Variants in SPTAN1 observed in about 807,000 individuals in gnomAD.
The protein encoded by SPTAN1 is spectrin alpha, non-erythrocytic 1, also known as spectrin alpha chain, non-erythrocytic 1.
A neutral mutation model predicts 331.3 loss-of-function variants in SPTAN1; 61 were observed. That is an observed-to-expected ratio of 0.18 (90% CI 0.15 to 0.23). The LOEUF (loss-of-function observed/expected upper bound fraction) is 0.23. Among genes scored for constraint, SPTAN1 ranks in the 10% least tolerant of loss-of-function variants. SPTAN1 has a pLI of 1.00. For missense variants in SPTAN1, 2,043 were observed against 3,147.9 expected, an observed-to-expected ratio of 0.65 and a Z score of 8.40; for synonymous variants, 1,153 against 1,173.9, an observed-to-expected ratio of 0.98 and a Z score of 0.36.
chr9:128,559,513 CTT>C (rs1290781426), intron 1 of SPTAN1, among the ~76,000 whole-genome samples: 1 of 152,214 alleles, frequency 6.6e-6, no homozygotes, highest in Non-Finnish European at 1.5e-5. Flanking sequence ...ACTGCCATCT[CTT>C]TCAGGAGCTC....
chr9:128,553,290 G>C (rs1038394193), intron 1 of SPTAN1: 2 of 152,258 alleles, frequency 1.3e-5, no homozygotes, highest in African/African-American at 4.8e-5. Flanking sequence ...GTCTGAGACT[G>C]GCCGTCTCCT....
intron 2 of SPTAN1, 56 bp from the exon 3 acceptor site, chr9:128,568,716 C>T: frequency 6.2e-7 from 1 of 1,610,812 alleles, no homozygotes; most frequent in Non-Finnish European, 8.5e-7. Flanking sequence ...ACAGCGGGGA[C>T]AAAATGCTGA....
At chr9:128,618,726 G>T in intron 43 of SPTAN1, 145 bp from the exon 44 acceptor site, 1 of 1,148,200 alleles carries the variant, frequency 8.7e-7, no homozygotes, top group South Asian at 1.2e-5. Context: ...CTCGTGATCT[G>T]CCCGCCTCGG....
intron 17 of SPTAN1, 47 bp from the exon 18 acceptor site, chr9:128,584,673 AC>A: frequency 6.2e-7 from 1 of 1,614,140 alleles, no homozygotes. Context: ...ATCAGTGCTG[AC>A]TTTTCTCTTC....
intron 27 of SPTAN1, among the ~76,000 whole-genome samples, chr9:128,601,167 G>GAGAT (rs1855101143): frequency 6.6e-6 from 1 of 151,126 alleles, no homozygotes; most frequent in Admixed American, 6.6e-5. Context: ...ATGTTCAGAA[G>GAGAT]AGATAGGGTT....
rs1051768726 is a variant in SPTAN1, at chr9:128,629,051, G to T, written c.6707+1109G>T. On this transcript the variant is annotated intron_variant, in intron 51 of 56. Coordinates refer to ENST00000372739, the MANE Select transcript of SPTAN1 (RefSeq NM_001130438.3). The surrounding 1 kb of genome is among the most constrained non-coding windows in gnomAD (Gnocchi z 4.9). ...CCTGCGCCCTGCCAGCTTGGGCTTT[G>T]TGTGTGTCTGTTGCAGTGTGCTCTT... 1 of 398,428 alleles carries T rather than the reference G, an allele frequency of 2.5e-6. No homozygotes were observed. Among genetic ancestry groups the T allele is most frequent in the East Asian group, 3.6e-5 (1 of 28,074 alleles). The allele number at this position is 398,428 out of a possible 1,614,324, so 24.7% of individuals were successfully genotyped here. A position where few individuals can be genotyped will look rare whatever the true frequency, so the allele number is the denominator to read the frequency against.
Position 128,617,648 on chromosome 9 carries a change from A to T in SPTAN1, c.5366A>T (p.Lys1789Met), listed in dbSNP as rs935489248. 6.2e-7 allele frequency: 1 copy of T among 1,614,182 alleles called. No homozygotes were observed. Among genetic ancestry groups the T allele is most frequent in the Admixed American group, 1.7e-5 (1 of 60,016 alleles). The part of the protein sequence containing the change: ...DDEESWIKEK[K>M]LLVGSEDYGR... Reference sequence around the variant, plus strand: ...TCCCATCTCTCATTCAGGGAGAAGAAGCTGCTGGTGGGCTCAGAGGACTAC... The same window carrying T: ...TCCCATCTCTCATTCAGGGAGAAGATGCTGCTGGTGGGCTCAGAGGACTAC... Residue 1789 changes from lysine (K) to methionine (M), a missense_variant, in exon 42 of 57, where the codon AAG becomes ATG. Lys to Met is a moderately conservative substitution (Grantham distance 95). Coordinates refer to ENST00000372739, the MANE Select transcript of SPTAN1 (RefSeq NM_001130438.3).
chr9:128,579,591 G>A, intron 9 of SPTAN1, 46 bp from the exon 10 acceptor site: 1 of 1,486,744 alleles, frequency 6.7e-7, no homozygotes, highest in Non-Finnish European at 9.4e-7. Context: ...TTTTTATTTT[G>A]TAAGATGCTG....
intron 2 of SPTAN1, among the ~76,000 whole-genome samples, chr9:128,567,659 A>G (rs896731162): frequency 6.6e-6 from 1 of 152,240 alleles, no homozygotes; most frequent in African/African-American, 2.4e-5. Flanking sequence ...CTGGAGTCAG[A>G]TATCAAAGAA....
At chr9:128,573,014 A>G (rs1850907134) in intron 3 of SPTAN1, among the ~76,000 whole-genome samples, 1 of 152,152 alleles carries the variant, frequency 6.6e-6, no homozygotes, top group African/African-American at 2.4e-5. Context: ...ACCCATGTTG[A>G]CTGTCACATG....
intron 27 of SPTAN1, among the ~76,000 whole-genome samples, chr9:128,600,661 T>G (rs1226316128): frequency 6.6e-6 from 1 of 152,158 alleles, no homozygotes; most frequent in Non-Finnish European, 1.5e-5. Context: ...AAGGTGTGTT[T>G]TTTTGTTTTG....
At chr9:128,619,056 T>C in intron 44 of SPTAN1, 53 bp downstream of exon 44, 9 of 1,611,598 alleles carry the variant, frequency 5.6e-6, no homozygotes, top group Middle Eastern at 2.1e-4. Flanking sequence ...AACTGCCTGC[T>C]GGTCATCATT....
chr9:128,591,860 A>T (rs1853582643), intron 22 of SPTAN1, among the ~76,000 whole-genome samples: 1 of 151,942 alleles, frequency 6.6e-6, no homozygotes, highest in Non-Finnish European at 1.5e-5. Context: ...CCTAACCAGA[A>T]TTTTTCTAAT....
intron 18 of SPTAN1, 122 bp from the exon 19 acceptor site, chr9:128,585,626 G>A (rs563940869): frequency 2.4e-6 from 2 of 834,698 alleles, no homozygotes; most frequent in African/African-American, 3.3e-5. Flanking sequence ...AATTATGAAA[G>A]GGCACAGCTC....
chr9:128,606,880 G>C (rs1260033797), intron 31 of SPTAN1, among the ~76,000 whole-genome samples: 1 of 152,152 alleles, frequency 6.6e-6, no homozygotes, highest in Admixed American at 6.5e-5. Context: ...TATTCACGGT[G>C]TTGTGCAGCC....
intron 22 of SPTAN1, among the ~76,000 whole-genome samples, chr9:128,592,189 C>T (rs1853626897): frequency 6.6e-6 from 1 of 152,062 alleles, no homozygotes; most frequent in Admixed American, 6.6e-5. Context: ...TTTTGGGCTC[C>T]AGTGATCCTC....
chr9:128,632,369 G>A (rs755810489), intron 53 of SPTAN1, 46 bp downstream of exon 53: 2 of 1,613,616 alleles, frequency 1.2e-6, no homozygotes, highest in East Asian at 2.2e-5. Flanking sequence ...AGCAGGGGGA[G>A]GAAAAGACAC....
intron 24 of SPTAN1, chr9:128,596,273 T>G (rs554555578): frequency 1.3e-5 from 2 of 151,454 alleles, no homozygotes; most frequent in African/African-American, 4.8e-5. Context: ...GTTCGTTTTT[T>G]TTGTTTGTTT....
intron 35 of SPTAN1, 27 bp from the exon 36 acceptor site, chr9:128,609,095 T>C: frequency 6.2e-7 from 1 of 1,614,216 alleles, no homozygotes; most frequent in Non-Finnish European, 8.5e-7. Flanking sequence ...TATGCTCATG[T>C]TGGATCTCAT....
Sources: allele counts gnomAD v4.1 joint callset (sites outside exome capture counted in the v4.1 genomes callset), GRCh38; gene constraint gnomAD v4.1.1; non-coding constraint Gnocchi (gnomAD v3.1); transcripts MANE v1.5; gene names NCBI Gene and HGNC (gene_info 2026-07-23, HGNC 2026-07-21).